MEGF6: variants seen among roughly 807,000 people sequenced by gnomAD.
MEGF6 encodes multiple epidermal growth factor-like domains protein 6.
MEGF6 carries 184 observed loss-of-function variants against 207.1 expected under a neutral mutation model. The observed-to-expected ratio is 0.89, with a 90% CI of 0.79 to 1.00. MEGF6 has a LOEUF of 1.00. Among genes scored for constraint, MEGF6 ranks in the 50% least tolerant of loss-of-function variants. The pLI is 0.00. For synonymous variants in MEGF6, 1,038 were observed against 910.0 expected (o/e 1.14, Z -2.53); for missense variants, 2,282 against 2,202.9 (o/e 1.04, Z -0.72).
At chr1:3,614,116 T>C (rs192201278), upstream of MEGF6, among the ~76,000 whole-genome samples, 1 of 152,238 alleles carries the variant, frequency 6.6e-6, no homozygotes, top group African/African-American at 2.4e-5. Context: ...AGGTCTGTGG[T>C]CTTCCCCCAC....
chr1:3,586,340 T>C (rs1643894208), intron 3 of MEGF6, among the ~76,000 whole-genome samples: 1 of 152,200 alleles, frequency 6.6e-6, no homozygotes, highest in Non-Finnish European at 1.5e-5. Context: ...CGAGTGAGCA[T>C]GTATGGGCAT....
chr1:3,493,939 G>A lies in MEGF6; in HGVS notation c.4259-40C>T, dbSNP rs1468196508. 1.1e-5 allele frequency: 17 copies of A among 1,581,520 alleles called. No homozygotes were observed. In the Admixed American group the frequency reaches 2.0e-4, roughly 19 times the overall value. On this transcript the variant is annotated intron_variant, in intron 33 of 36. Transcript: ENST00000356575. ...GGGCTCAGTGTCCCCCTCCTGTCCT[G>A]CACCCAGACGGGACGGGGCCAGGGA...
intron 4 of MEGF6, among the ~76,000 whole-genome samples, chr1:3,550,292 G>C (rs1051450040): frequency 1.3e-5 from 2 of 152,204 alleles, no homozygotes; most frequent in Non-Finnish European, 2.9e-5. Context: ...CCACCAGCGG[G>C]TGATGAAGAC....
intron 4 of MEGF6, among the ~76,000 whole-genome samples, chr1:3,579,201 T>C (rs1326233774): frequency 6.6e-6 from 1 of 152,230 alleles, no homozygotes; most frequent in African/African-American, 2.4e-5. Context: ...CCGCTTCCCA[T>C]GGCCCAAATG....
chr1:3,520,898 G>A (rs1437628516), intron 5 of MEGF6, among the ~76,000 whole-genome samples: 1 of 152,178 alleles, frequency 6.6e-6, no homozygotes, highest in African/African-American at 2.4e-5. Context: ...GCCTCCTCTG[G>A]GGCCTTCCCA....
chr1:3,538,349 A>G (rs1248070845), intron 4 of MEGF6, among the ~76,000 whole-genome samples: 2 of 152,214 alleles, frequency 1.3e-5, no homozygotes, highest in Non-Finnish European at 2.9e-5. Context: ...GCCTCAGAGC[A>G]CACAGGGCCT....
At chr1:3,606,671 A>G (rs1644253201) in intron 1 of MEGF6, among the ~76,000 whole-genome samples, 1 of 152,226 alleles carries the variant, frequency 6.6e-6, no homozygotes, top group Admixed American at 6.5e-5. Flanking sequence ...AAAGTGGGCC[A>G]TAGGAACTGC....
At chr1:3,585,968 G>A (rs1208754834) in intron 3 of MEGF6, among the ~76,000 whole-genome samples, 1 of 88,650 alleles carries the variant, frequency 1.1e-5, no homozygotes, top group Non-Finnish European at 2.1e-5. Context: ...TCCTGTGTGT[G>A]GGTGTGTGGA....
intron 4 of MEGF6, among the ~76,000 whole-genome samples, chr1:3,544,499 C>T (rs1169266680): frequency 6.6e-6 from 1 of 152,186 alleles, no homozygotes; most frequent in African/African-American, 2.4e-5. Context: ...AGGAGGGACC[C>T]CCACGCAGCA....
chr1:3,490,890 G>T (rs1198222479), intron 36 of MEGF6, 22 bp downstream of exon 36: 2 of 1,575,032 alleles, frequency 1.3e-6, no homozygotes, highest in Middle Eastern at 1.7e-4. Context: ...GCAAGCCCAC[G>T]GGCATTCCCC....
chr1:3,534,935 C>A (rs1642280552), intron 4 of MEGF6, among the ~76,000 whole-genome samples: 1 of 152,192 alleles, frequency 6.6e-6, no homozygotes, highest in South Asian at 2.1e-4. Flanking sequence ...GACTCCAAAT[C>A]CCGCGTCCAT....
chr1:3,494,040 C>A lies in MEGF6; in HGVS notation c.4214G>T (p.Arg1405Leu), dbSNP rs567237600. The A allele has an allele frequency of 1.3e-5, 21 of 1,609,502 alleles. No individual in the cohort carries two copies. The highest frequency in any genetic ancestry group is 1.8e-5 in the Non-Finnish European group (21 of 1,178,544). The change falls in exon 33 of 37, where the codon CGA becomes CTA. Residue 1405 changes from arginine to leucine, a missense_variant. By Grantham distance (102) the Arg-to-Leu change is moderately radical (BLOSUM62 -2). Transcript: ENST00000356575. The part of the protein sequence containing the change: ...HGAPCDPISG[R>L]CLCPAGFHGH... ...GTGGAAGCCGGCAGGGCAGAGGCATCGGCCACTGATGGGGTCGCAGGGGGC... is the reference window on the plus strand; with the variant it reads ...GTGGAAGCCGGCAGGGCAGAGGCATAGGCCACTGATGGGGTCGCAGGGGGC...
chr1:3,604,628 C>T (rs985370155), intron 1 of MEGF6, among the ~76,000 whole-genome samples: 5 of 152,164 alleles, frequency 3.3e-5, no homozygotes, highest in South Asian at 2.1e-4. Flanking sequence ...GTGCCTCCTC[C>T]GTGCCCAGCA....
intron 4 of MEGF6, among the ~76,000 whole-genome samples, chr1:3,570,765 G>A (rs1465412040): frequency 6.6e-6 from 1 of 152,214 alleles, no homozygotes; most frequent in East Asian, 1.9e-4. Context: ...AACTGGCCTA[G>A]CAGGAAATCA....
Position 3,595,417 on chromosome 1 carries a change from C to CACCT in MEGF6, c.293_296dup (p.Tyr100GlyfsTer29). ...GCACGGTCCGGGCCTCCGTGGTATA[C>CACCT]ACCTGCCTGTAGCCCATGTAGTAGA... On this transcript the variant is annotated frameshift_variant, in exon 3 of 37. Transcript: ENST00000356575. LOFTEE classifies it high-confidence loss of function. 6.2e-7 allele frequency: 1 copy of CACCT among 1,612,500 alleles called. No individual in the cohort carries two copies. The highest frequency in any genetic ancestry group is 1.1e-5 in the South Asian group (1 of 91,082).
chr1:3,533,670 C>G (rs557193337), intron 4 of MEGF6, among the ~76,000 whole-genome samples: 1 of 152,300 alleles, frequency 6.6e-6, no homozygotes, highest in South Asian at 2.1e-4. Flanking sequence ...GCACGACCGG[C>G]CACCCTGCGA....
At chr1:3,509,302 C>A (rs1381893818) in intron 11 of MEGF6, 57 bp from the exon 12 acceptor site, 2 of 1,369,442 alleles carry the variant, frequency 1.5e-6, no homozygotes, top group Non-Finnish European at 1.9e-6. Context: ...GCTCCAGCGA[C>A]CCCCCGGCGG....
intron 4 of MEGF6, among the ~76,000 whole-genome samples, chr1:3,533,442 T>C (rs1642235758): frequency 6.6e-6 from 1 of 152,230 alleles, no homozygotes. Context: ...GGCAACATCA[T>C]TTATGACCGT....
intron 34 of MEGF6, 167 bp downstream of exon 34, chr1:3,493,604 C>A (rs1640468746): frequency 4.3e-6 from 4 of 931,080 alleles, no homozygotes; most frequent in Non-Finnish European, 6.3e-6. Flanking sequence ...TACCGCATGT[C>A]CCAGCAGCTG....
Sources: gnomAD v4.1 joint callset for allele counts (sites outside exome capture counted in the v4.1 genomes callset) on GRCh38, gnomAD v4.1.1 for gene constraint, MANE v1.5 for transcripts, NCBI Gene and HGNC (gene_info 2026-07-23, HGNC 2026-07-21) for gene names.